The following FER1L6 variants were observed in gnomAD, a reference collection of about 807,000 sequenced individuals.
FER1L6 encodes fer-1 like family member 6.
FER1L6 carries 177 observed loss-of-function variants against 219.2 expected under a neutral mutation model. The ratio of observed to expected loss-of-function variants is 0.81; its 90% confidence interval spans 0.71 to 0.91. The LOEUF is 0.91. Ranked by LOEUF, FER1L6 falls within the 40% of genes least tolerant of loss-of-function variation. The pLI, the probability that FER1L6 is intolerant of heterozygous loss-of-function variation, is 0.00. For synonymous variants in FER1L6, 768 were observed against 824.3 expected, an observed-to-expected ratio of 0.93 and a Z score of 1.17; for missense variants, 2,153 against 2,259.9, an observed-to-expected ratio of 0.95 and a Z score of 0.96.
intron 31 of FER1L6, 33 bp downstream of exon 31, chr8:124,071,664 A>G (rs1366059963): frequency 1.6e-5 from 25 of 1,597,708 alleles, no homozygotes; most frequent in Non-Finnish European, 2.1e-5. Context: ...GAGGGGGTGT[A>G]TTTATCTGCT....
intron 2 of FER1L6, among the ~76,000 whole-genome samples, chr8:123,960,109 G>A (rs1306022286): frequency 6.6e-6 from 1 of 152,166 alleles, no homozygotes; most frequent in Non-Finnish European, 1.5e-5. Context: ...GGGGGTAAAT[G>A]ATGTTAACCT....
chr8:123,931,179 A>G (rs1242532918), intron 1 of FER1L6, among the ~76,000 whole-genome samples: 1 of 152,188 alleles, frequency 6.6e-6, no homozygotes, highest in Non-Finnish European at 1.5e-5. Flanking sequence ...GGAAAATGAT[A>G]TGTTAATGGG....
rs574974902 is a variant in FER1L6, at chr8:123,976,145, T to C, written c.870+61T>C. 6.6e-5 allele frequency: 84 copies of C among 1,273,778 alleles called. No homozygotes were observed. The African/African-American group carries it at 1.2e-3, about 18-fold the overall frequency. 78.9% of individuals were successfully genotyped at this position (1,273,778 alleles called of 1,614,324 possible). A position where few individuals can be genotyped will look rare whatever the true frequency, so the allele number is the denominator to read the frequency against. Reference sequence around the variant, plus strand: ...CCAGGGCCCTGCTCTCTATCCAAGATATGTTTAATCAAATCAAATTAATAA... The same window carrying C: ...CCAGGGCCCTGCTCTCTATCCAAGACATGTTTAATCAAATCAAATTAATAA... On this transcript the variant is annotated intron_variant, in intron 9 of 40. Transcript: ENST00000522917.
At chr8:123,916,415 T>A (rs534723917) in intron 1 of FER1L6, among the ~76,000 whole-genome samples, 1 of 152,326 alleles carries the variant, frequency 6.6e-6, no homozygotes, top group Admixed American at 6.5e-5. Flanking sequence ...GCTTTTATGG[T>A]GTTGCCTCCT....
intron 1 of FER1L6, among the ~76,000 whole-genome samples, chr8:123,937,961 G>A (rs975964694): frequency 1.3e-5 from 2 of 152,118 alleles, no homozygotes; most frequent in African/African-American, 4.8e-5. Context: ...TATTGCTCTA[G>A]GCCTTATTTC....
rs150060038 is a variant in FER1L6 at position 124,092,422 on chromosome 8, T to G, written c.4552+839T>G. On this transcript the variant is annotated intron_variant, in intron 34 of 40. Transcript: ENST00000522917. The stretch of plus-strand genomic sequence containing the variant: ...GTGAATATTATATAGCATAAATAAT[T>G]GAACATAACCCAAATTACCCCCATA... Among the ~76,000 whole-genome samples, 921 of 152,270 alleles carry G rather than the reference T, an allele frequency of 6.0e-3. 7 individuals carry two copies. The highest frequency in any genetic ancestry group is 0.027 in the South Asian group (131 of 4,826).
intron 27 of FER1L6, 140 bp from the exon 28 acceptor site, chr8:124,067,627 T>G: frequency 5.4e-6 from 4 of 739,624 alleles, no homozygotes; most frequent in African/African-American, 1.8e-5. Flanking sequence ...TGCGGCTTCA[T>G]TTTGGGGGAC....
chr8:124,063,551 A>G (rs1363651587), intron 25 of FER1L6, among the ~76,000 whole-genome samples: 1 of 152,130 alleles, frequency 6.6e-6, no homozygotes, highest in African/African-American at 2.4e-5. Context: ...CGTTTTCCCA[A>G]TGATTTGTAC....
chr8:123,904,243 TG>T (rs1812911536), intron 1 of FER1L6, among the ~76,000 whole-genome samples: 1 of 151,000 alleles, frequency 6.6e-6, no homozygotes, highest in African/African-American at 2.4e-5. Flanking sequence ...TGTGTGTGTG[TG>T]TGTGTGTGTG....
At position 124,091,477 on chromosome 8, in the gene FER1L6, G is replaced by A. The variant is rs1389884491; in HGVS notation, c.4446G>A (p.Lys1482=). 3 of 1,613,894 alleles carry A rather than the reference G, an allele frequency of 1.9e-6. No individual in the cohort carries two copies. Among genetic ancestry groups the A allele is most frequent in the African/African-American group, 1.3e-5 (1 of 74,922 alleles). ...CCAAACCCACCGAAATCCTCACTAA[G>A]CTCTGCAAAGACAACAAGCTGGATG... ...DTSKPTEILT[K]LCKDNKLDGP... is the part of the protein sequence containing the mutation. The change falls in exon 34 of 41, where the codon AAG becomes AAA. Residue 1482 remains lysine (K), a synonymous_variant. Coordinates refer to ENST00000522917, the MANE Select transcript of FER1L6 (RefSeq NM_001039112.2).
chr8:124,095,402 T>G (rs1307947626), intron 35 of FER1L6, among the ~76,000 whole-genome samples: 1 of 152,314 alleles, frequency 6.6e-6, no homozygotes, highest in South Asian at 2.1e-4. Context: ...TTTGAAAAAC[T>G]TAACCCATTG....
At position 124,066,079 on chromosome 8, in the gene FER1L6, T is replaced by C. The variant is rs372677712; in HGVS notation, c.3556-349T>C. Among the ~76,000 whole-genome samples, 335 of 152,360 alleles carry C rather than the reference T, an allele frequency of 2.2e-3. 17 individuals are homozygous for C. In the South Asian group the frequency reaches 0.066, roughly 30 times the overall value. ...CCAGGTCAGTATGAAGCTAATGCCT[T>C]TTCTGCTATATTGCATTGCATCATG... On this transcript the variant is annotated intron_variant, in intron 26 of 40. Transcript: ENST00000522917.
chr8:124,013,558 C>T lies in FER1L6; in HGVS notation c.1922+27C>T, dbSNP rs182684105. On this transcript the variant is annotated intron_variant, in intron 15 of 40. Transcript: ENST00000522917. ...TACCGGGAGAGACAGCCGGCATAGG[C>T]GGAGCTGAGCTTCTGTGGTCTCAGC... is the stretch of plus-strand genomic sequence containing the variant. 1.0e-3 allele frequency: 1,543 copies of T among 1,490,020 alleles called. 5 individuals are homozygous for T. The highest frequency in any genetic ancestry group is 2.0e-3 in the South Asian group (159 of 79,136). 92.3% of individuals were successfully genotyped at this position (1,490,020 alleles called of 1,614,324 possible).
At chr8:124,080,929 C>T (rs1206256525) in intron 32 of FER1L6, among the ~76,000 whole-genome samples, 1 of 152,220 alleles carries the variant, frequency 6.6e-6, no homozygotes, top group Non-Finnish European at 1.5e-5. Context: ...AACCATATCC[C>T]TGGCCTGCTA....
intron 12 of FER1L6, among the ~76,000 whole-genome samples, chr8:123,988,010 A>G (rs1313485001): frequency 6.6e-6 from 1 of 152,148 alleles, no homozygotes; most frequent in African/African-American, 2.4e-5. Context: ...AGGCAGGAGA[A>G]TCACTTGAAC....
At chr8:124,013,390 T>C in intron 14 of FER1L6, 41 bp from the exon 15 acceptor site, 1 of 1,269,240 alleles carries the variant, frequency 7.9e-7, no homozygotes, top group Non-Finnish European at 1.1e-6. Flanking sequence ...CCAATCTCAT[T>C]ACCACCGCCT....
intron 18 of FER1L6, among the ~76,000 whole-genome samples, chr8:124,032,189 C>T (rs1483992742): frequency 1.3e-5 from 2 of 152,176 alleles, no homozygotes; most frequent in Non-Finnish European, 2.9e-5. Flanking sequence ...CTTTGGGAGG[C>T]CGAGGCGGGT....
At chr8:123,933,329 C>A (rs1160832545) in intron 1 of FER1L6, among the ~76,000 whole-genome samples, 1 of 152,178 alleles carries the variant, frequency 6.6e-6, no homozygotes, top group African/African-American at 2.4e-5. Context: ...GTCTGCTCCC[C>A]ACCCACTTCC....
At position 123,914,850 on chromosome 8, in the gene FER1L6, G is replaced by A. The variant is rs79964700; in HGVS notation, c.-7-41142G>A. ...AGGAGGGACAACTGGGCCTGACCACGCATCTAAAAGAAACTATTCCTCTTC... is the reference window on the plus strand; with the variant it reads ...AGGAGGGACAACTGGGCCTGACCACACATCTAAAAGAAACTATTCCTCTTC... On this transcript the variant is annotated intron_variant, in intron 1 of 40. Coordinates refer to ENST00000522917, the MANE Select transcript of FER1L6 (RefSeq NM_001039112.2). Among the ~76,000 whole-genome samples the A allele has an allele frequency of 9.3e-3, 1,418 of 152,202 alleles. 20 individuals carry two copies. Among genetic ancestry groups the A allele is most frequent in the African/African-American group, 0.032 (1,331 of 41,524 alleles).
Sources: allele counts gnomAD v4.1 joint callset (sites outside exome capture counted in the v4.1 genomes callset), GRCh38; gene constraint gnomAD v4.1.1; transcripts MANE v1.5; gene names NCBI Gene and HGNC (gene_info 2026-07-23, HGNC 2026-07-21).